ZC3H14: variants seen among roughly 807,000 people sequenced by gnomAD.
The protein encoded by ZC3H14 is zinc finger CCCH-type containing 14.
ZC3H14 carries 31 observed loss-of-function variants against 92.4 expected under a neutral mutation model. The ratio of observed to expected loss-of-function variants is 0.34; its 90% CI spans 0.25 to 0.45. The LOEUF (loss-of-function observed/expected upper bound fraction) is 0.45. Ranked by LOEUF, ZC3H14 falls within the 20% of genes least tolerant of loss-of-function variation. The pLI is 1.00. For missense variants in ZC3H14, 781 were observed against 897.3 expected, an observed-to-expected ratio of 0.87 and a Z score of 1.66; for synonymous variants, 321 against 300.9, an observed-to-expected ratio of 1.07 and a Z score of -0.69.
At chr14:88,594,634 C>A in intron 9 of ZC3H14, 2 of 1,603,810 alleles carry the variant, frequency 1.2e-6, no homozygotes, top group Non-Finnish European at 1.7e-6. Context: ...CTTTTACTTT[C>A]GATGAAATAA....
At chr14:88,595,842 C>G (rs2083742204) in intron 9 of ZC3H14, among the ~76,000 whole-genome samples, 1 of 152,144 alleles carries the variant, frequency 6.6e-6, no homozygotes, top group South Asian at 2.1e-4. Context: ...ATGTGGGCAT[C>G]TTAGTAAGAT....
At chr14:88,563,443 T>G in intron 1 of ZC3H14, 1 of 1,434,312 alleles carries the variant, frequency 7.0e-7, no homozygotes, top group Non-Finnish European at 9.0e-7. Context: ...CCGCTTTGGA[T>G]CCGCTGCGGG....
chr14:88,591,609 G>A (rs2083146071), intron 9 of ZC3H14: 1 of 152,142 alleles, frequency 6.6e-6, no homozygotes, highest in African/African-American at 2.4e-5. Context: ...GTCAAGGGGA[G>A]ATTTTACATT....
At position 88,617,123 on chromosome 14, in the gene ZC3H14, T is replaced by G; in HGVS notation, c.*5372T>G. The G allele has an allele frequency of 3.0e-6, 1 of 330,874 alleles. No homozygotes were observed. Among genetic ancestry groups the G allele is most frequent in the Non-Finnish European group, 5.5e-6 (1 of 182,730 alleles). The allele number at this position is 330,874 out of a possible 1,614,324, so 20.5% of individuals were successfully genotyped here. On this transcript the variant is annotated 3_prime_UTR_variant, in exon 17 of 17. Coordinates refer to ENST00000251038, the MANE Select transcript of ZC3H14 (RefSeq NM_024824.5). ...ATCTTTTTAAGATTAAAGTAGTACT[T>G]TATGAAAACTGATAGAACTATTTTT...
intron 8 of ZC3H14, among the ~76,000 whole-genome samples, chr14:88,576,643 C>T (rs1253685634): frequency 6.6e-6 from 1 of 152,254 alleles, no homozygotes; most frequent in Admixed American, 6.5e-5. Flanking sequence ...TGTTAAGAAG[C>T]TGATGGTAAT....
At chr14:88,574,033 C>T (rs1050926535) in intron 6 of ZC3H14, among the ~76,000 whole-genome samples, 14 of 152,032 alleles carry the variant, frequency 9.2e-5, no homozygotes, top group Non-Finnish European at 1.6e-4. Context: ...TTTGGGATTT[C>T]CAGCATTTGA....
At chr14:88,582,542 G>A (rs1292181097) in intron 9 of ZC3H14, among the ~76,000 whole-genome samples, 1 of 152,216 alleles carries the variant, frequency 6.6e-6, no homozygotes, top group African/African-American at 2.4e-5. Flanking sequence ...AGCACATAGT[G>A]GTTGCTTTTG....
rs1401786830 is a variant in ZC3H14, at chr14:88,625,066, A to G, written c.*13315A>G. ...GTGAGCTCTCGCCACGATTCTACAC[A>G]ATATGTGATCTTTCCACACACAGAC... On this transcript the variant is annotated 3_prime_UTR_variant, in exon 17 of 17. Coordinates refer to ENST00000251038, the MANE Select transcript of ZC3H14 (RefSeq NM_024824.5). 1.2e-6 allele frequency: 2 copies of G among 1,613,912 alleles called. No individual in the cohort carries two copies. Among genetic ancestry groups the G allele is most frequent in the Non-Finnish European group, 1.7e-6 (2 of 1,179,856 alleles).
At chr14:88,589,886 T>G (rs569679790) in intron 9 of ZC3H14, 2 of 152,936 alleles carry the variant, frequency 1.3e-5, no homozygotes, top group East Asian at 3.9e-4. Flanking sequence ...TCCCAGCACT[T>G]TGGGAGGCCG....
chr14:88,621,018 G>A lies in ZC3H14; in HGVS notation c.*9267G>A, dbSNP rs1422893515. ...CAGTTTCCCCTCAAAATGCTCAACAGAATTCTGGCAGTTCTTTAAGTACTA... is the reference window on the plus strand; with the variant it reads ...CAGTTTCCCCTCAAAATGCTCAACAAAATTCTGGCAGTTCTTTAAGTACTA... On this transcript the variant is annotated 3_prime_UTR_variant, in exon 17 of 17. Coordinates refer to ENST00000251038, the MANE Select transcript of ZC3H14 (RefSeq NM_024824.5). 2 of 1,479,628 alleles carry A rather than the reference G, an allele frequency of 1.4e-6. No individual in the cohort carries two copies. Among genetic ancestry groups the A allele is most frequent in the Non-Finnish European group, 1.8e-6 (2 of 1,116,362 alleles). The allele number at this position is 1,479,628 out of a possible 1,614,324, so 91.7% of individuals were successfully genotyped here.
chr14:88,594,831 G>A (rs963244462), intron 9 of ZC3H14: 1 of 1,614,064 alleles, frequency 6.2e-7, no homozygotes, highest in Non-Finnish European at 8.5e-7. Flanking sequence ...CACTGAATGA[G>A]CTAGACAATA....
At chr14:88,600,319 C>T (rs2140038600) in intron 10 of ZC3H14, among the ~76,000 whole-genome samples, 1 of 152,334 alleles carries the variant, frequency 6.6e-6, no homozygotes, top group East Asian at 1.9e-4. Context: ...CATTCAGAGC[C>T]TCACCCTCTG....
At position 88,620,189 on chromosome 14, in the gene ZC3H14, C is replaced by G. The variant is rs940499440; in HGVS notation, c.*8438C>G. On this transcript the variant is annotated 3_prime_UTR_variant, in exon 17 of 17. Coordinates refer to ENST00000251038, the MANE Select transcript of ZC3H14 (RefSeq NM_024824.5). The surrounding 1 kb of genome is among the most constrained non-coding windows in gnomAD (Gnocchi z 4.3). Reference sequence around the variant, plus strand: ...TGATGAAAAGTGTACAAGCTTTTGACAGACCTAGATTCAATAATCTTATCT... The same window carrying G: ...TGATGAAAAGTGTACAAGCTTTTGAGAGACCTAGATTCAATAATCTTATCT... 6 of 152,216 alleles carry G rather than the reference C, an allele frequency of 3.9e-5. No individual in the cohort carries two copies. The highest frequency in any genetic ancestry group is 8.8e-5 in the Non-Finnish European group (6 of 68,048). The allele number at this position is 152,216 out of a possible 1,614,324, so 9.4% of individuals were successfully genotyped here.
rs1216252117 is a variant in ZC3H14, at chr14:88,609,475, T to G, written c.2005+72T>G. On this transcript the variant is annotated intron_variant, in intron 14 of 16. Transcript: ENST00000251038. ...GGCATTTTGTGACTGTAAATGGAAT[T>G]GAACAAACAAAAGATGGTTTCAGAA... The G allele has an allele frequency of 3.1e-6, 5 of 1,606,558 alleles. No homozygotes were observed. The East Asian group carries it at 1.1e-4, about 36-fold the overall frequency.
Position 88,618,908 on chromosome 14 carries a change from G to T in ZC3H14, c.*7157G>T. The T allele has an allele frequency of 8.1e-7, 1 of 1,239,654 alleles. No homozygotes were observed. Among genetic ancestry groups the T allele is most frequent in the Non-Finnish European group, 1.1e-6 (1 of 912,638 alleles). The allele number at this position is 1,239,654 out of a possible 1,614,324, so 76.8% of individuals were successfully genotyped here. On this transcript the variant is annotated 3_prime_UTR_variant, in exon 17 of 17. Transcript: ENST00000251038. Reference sequence around the variant, plus strand: ...TTCCTTTCTAGTTCTTAAAAGTAACGTGTGATAAGGCCTCAAATAGATTTA... The same window carrying T: ...TTCCTTTCTAGTTCTTAAAAGTAACTTGTGATAAGGCCTCAAATAGATTTA...
chr14:88,626,615 T>G lies in ZC3H14; in HGVS notation c.*14864T>G. ...CCAGGCGACAGAGTGAGATACTGTGTCAAAAAAAAAAAAAAATCCTTTTCC... is the reference window on the plus strand; with the variant it reads ...CCAGGCGACAGAGTGAGATACTGTGGCAAAAAAAAAAAAAAATCCTTTTCC... On this transcript the variant is annotated 3_prime_UTR_variant, in exon 17 of 17. Transcript: ENST00000251038. The G allele has an allele frequency of 1.9e-6, 1 of 513,320 alleles. No homozygotes were observed. The highest frequency in any genetic ancestry group is 3.4e-6 in the Non-Finnish European group (1 of 291,522). 31.8% of individuals were successfully genotyped at this position (513,320 alleles called of 1,614,324 possible). A position where few individuals can be genotyped will look rare whatever the true frequency, so the allele number is the denominator to read the frequency against.
At chr14:88,565,128 T>A (rs2079395096) in intron 2 of ZC3H14, among the ~76,000 whole-genome samples, 1 of 152,042 alleles carries the variant, frequency 6.6e-6, no homozygotes, top group Non-Finnish European at 1.5e-5. Context: ...AATGGTGATT[T>A]AAAAAAAATT....
Position 88,616,723 on chromosome 14 carries a change from T to TA in ZC3H14, c.*4973dup, listed in dbSNP as rs767444393. On this transcript the variant is annotated 3_prime_UTR_variant, in exon 17 of 17. Transcript: ENST00000251038. ...GATAATAGTAAACAAAACACAAACTTACAAATTTTTCTGGACATGGGAAGT... is the reference window on the plus strand; with the variant it reads ...GATAATAGTAAACAAAACACAAACTTAACAAATTTTTCTGGACATGGGAAGT... The TA allele has an allele frequency of 1.9e-6, 3 of 1,611,014 alleles. No individual in the cohort carries two copies. The highest frequency in any genetic ancestry group is 1.1e-5 in the South Asian group (1 of 90,386).
Position 88,626,772 on chromosome 14 carries a change from T to C in ZC3H14, c.*15021T>C, listed in dbSNP as rs967297516. On this transcript the variant is annotated 3_prime_UTR_variant, in exon 17 of 17. Transcript: ENST00000251038. The stretch of plus-strand genomic sequence containing the variant: ...ATCATCTCAACAACATTCATGTGGC[T>C]GATGATCTAAGGCAAGAGAATGTAA... 4 of 1,502,720 alleles carry C rather than the reference T, an allele frequency of 2.7e-6. No individual in the cohort carries two copies. The African/African-American group carries it at 5.5e-5, about 21-fold the overall frequency. The allele number at this position is 1,502,720 out of a possible 1,614,324, so 93.1% of individuals were successfully genotyped here.
Sources: allele counts gnomAD v4.1 joint callset (sites outside exome capture counted in the v4.1 genomes callset), GRCh38; gene constraint gnomAD v4.1.1; non-coding constraint Gnocchi (gnomAD v3.1); transcripts MANE v1.5; gene names NCBI Gene and HGNC (gene_info 2026-07-23, HGNC 2026-07-21).